COL4A6: variants seen among roughly 807,000 people sequenced by gnomAD.
COL4A6 encodes the protein collagen type IV alpha 6 chain.
COL4A6 carries 59 observed loss-of-function variants against 126.7 expected under a neutral mutation model. The ratio of observed to expected loss-of-function variants is 0.47; its 90% CI spans 0.38 to 0.58. The LOEUF (loss-of-function observed/expected upper bound fraction) is 0.58, where lower values mean the gene tolerates loss of function less well. Among genes scored for constraint, COL4A6 ranks in the 20% least tolerant of loss-of-function variants. The pLI is 0.00. For synonymous variants in COL4A6, 547 were observed against 496.6 expected (o/e 1.10, Z -1.35); for missense variants, 1,285 against 1,337.3 (o/e 0.96, Z 0.61).
At chrX:108,433,548 A>G (rs987825189) in intron 2 of COL4A6, among the ~76,000 whole-genome samples, 31 of 106,993 alleles carry the variant, frequency 2.9e-4, no homozygotes, top group African/African-American at 8.9e-4. Context: ...TTTTTTGACA[A>G]GGTCTAGCTC....
At chrX:108,163,064 A>T in intron 40 of COL4A6, 26 bp from the exon 41 acceptor site, 1 of 1,183,143 alleles carries the variant, frequency 8.5e-7, no homozygotes, top group Non-Finnish European at 1.1e-6. Context: ...GGAAATAAGA[A>T]CATCAGGCTG....
At chrX:108,420,896 G>C (rs752859515) in intron 2 of COL4A6, among the ~76,000 whole-genome samples, 95 of 111,959 alleles carry the variant, frequency 8.5e-4, no homozygotes, top group African/African-American at 2.7e-3. Context: ...GCAAAAAGCT[G>C]AATAAACAAG....
At position 108,179,410 on chromosome X, in the gene COL4A6, G is replaced by A. The variant is rs745616450; in HGVS notation, c.2160C>T (p.Gly720=). 8 of 1,206,190 alleles carry A rather than the reference G, an allele frequency of 6.6e-6. No homozygotes were observed. Among genetic ancestry groups the A allele is most frequent in the Admixed American group, 2.2e-5 (1 of 45,497 alleles). Residue 720 remains glycine (G), a synonymous_variant, in exon 26 of 45, where the codon GGC becomes GGT. Transcript: ENST00000334504. ...PGFPGPRGEK[G]LPGFPGLPGK... ...CAGGGAGCCCAGGAAACCCAGGCAA[G>A]CCCTTCTCCCCACGAGGTCCAGGAA...
Position 108,342,369 on chromosome X carries a change from C to G in COL4A6, c.64-31541G>C, listed in dbSNP as rs184472081. ...ATTGTATTCTAGTCTAGGTGTCCAC[C>G]TCTTGTGACCTTGGCTAGTGTAGGC... is the stretch of plus-strand genomic sequence containing the variant. On this transcript the variant is annotated intron_variant, in intron 2 of 44. Transcript: ENST00000334504. 2.7e-5 allele frequency among the ~76,000 whole-genome samples: 3 copies of G among 111,811 alleles called. No individual in the cohort carries two copies. In the Admixed American group the frequency reaches 2.8e-4, roughly 11 times the overall value.
chrX:108,418,307 A>C (rs2041472488), intron 2 of COL4A6, among the ~76,000 whole-genome samples: 1 of 112,247 alleles, frequency 8.9e-6, no homozygotes, highest in African/African-American at 3.2e-5. Context: ...GTAAAATCCT[A>C]ACACTTATAC....
At chrX:108,271,003 A>G (rs1418904744) in intron 3 of COL4A6, among the ~76,000 whole-genome samples, 2 of 112,155 alleles carry the variant, frequency 1.8e-5, no homozygotes, top group Non-Finnish European at 3.8e-5. Flanking sequence ...TGGTTTAATG[A>G]GAAGACTTTC....
At position 108,172,809 on chromosome X, in the gene COL4A6, C is replaced by T. The variant is rs770663634; in HGVS notation, c.3139-277G>A. The stretch of plus-strand genomic sequence containing the variant: ...GAAAGTCACAGTGTGGCCATTCTAG[C>T]GAGTCTCTCAGAAAATGCAGAAGAT... On this transcript the variant is annotated intron_variant, in intron 31 of 44. Coordinates refer to ENST00000334504, the MANE Select transcript of COL4A6 (RefSeq NM_033641.4). 4.5e-4 allele frequency among the ~76,000 whole-genome samples: 50 copies of T among 112,025 alleles called. 1 individual carries two copies. The highest frequency in any genetic ancestry group is 1.1e-3 in the Admixed American group (12 of 10,618).
intron 3 of COL4A6, among the ~76,000 whole-genome samples, chrX:108,225,222 C>T (rs2036135091): frequency 8.9e-6 from 1 of 111,897 alleles, no homozygotes; most frequent in African/African-American, 3.3e-5. Context: ...CTACCCTGGG[C>T]CCGCCCCTGG....
intron 2 of COL4A6, among the ~76,000 whole-genome samples, chrX:108,408,142 C>T (rs1024991422): frequency 4.5e-5 from 5 of 110,762 alleles, no homozygotes; most frequent in Admixed American, 1.9e-4. Flanking sequence ...GAGAATTCAT[C>T]TCTATAAAAA....
chrX:108,382,304 C>T (rs2040575690), intron 2 of COL4A6, among the ~76,000 whole-genome samples: 1 of 112,128 alleles, frequency 8.9e-6, no homozygotes, highest in African/African-American at 3.2e-5. Flanking sequence ...TTAGTTTTCT[C>T]GTATCTACCC....
At chrX:108,429,506 C>T (rs183952110) in intron 2 of COL4A6, among the ~76,000 whole-genome samples, 168 of 111,130 alleles carry the variant, frequency 1.5e-3, no homozygotes, top group African/African-American at 4.8e-3. Context: ...CAAATAAGTA[C>T]GAGGAAAATG....
Position 108,180,539 on chromosome X carries a change from A to G in COL4A6, c.2107T>C (p.Leu703=). 1 of 1,207,360 alleles carries G rather than the reference A, an allele frequency of 8.3e-7. No homozygotes were observed. Among genetic ancestry groups the G allele is most frequent in the South Asian group, 1.8e-5 (1 of 55,837 alleles). Residue 703 remains leucine, a synonymous_variant, in exon 25 of 45, where the codon TTG becomes CTG. Coordinates refer to ENST00000334504, the MANE Select transcript of COL4A6 (RefSeq NM_033641.4). ...CCTGGTAATTCAGGAAGATGAACCA[A>G]TCCTGGACTCCCTGGCTCTCCTTTA... The part of the protein sequence containing the change: ...GSKGEPGSPG[L]VHLPELPGFP...
Position 108,187,967 on chromosome X carries a change from T to G in COL4A6, c.1648A>C (p.Ser550Arg), listed in dbSNP as rs146828247. The G allele has an allele frequency of 8.3e-7, 1 of 1,204,660 alleles. No homozygotes were observed. Among genetic ancestry groups the G allele is most frequent in the African/African-American group, 1.8e-5 (1 of 56,861 alleles). The change falls in exon 22 of 45, where the codon AGT (serine) becomes CGT (arginine). Residue 550 changes from serine (S) to arginine (R), a missense_variant. Physicochemically the swap from Ser to Arg is moderately radical, Grantham distance 110. Coordinates refer to ENST00000334504, the MANE Select transcript of COL4A6 (RefSeq NM_033641.4). ...TCTCCTGGCATTCCTTGGATTGTAC[T>G]GAGAATTGGTTCCCCCTTCTTTCCT... is the stretch of plus-strand genomic sequence containing the variant. ...PKGKKGEPIL[S>R]TIQGMPGDRG...
intron 2 of COL4A6, among the ~76,000 whole-genome samples, chrX:108,355,436 T>C (rs1049528162): frequency 1.8e-5 from 2 of 112,887 alleles, no homozygotes; most frequent in African/African-American, 3.2e-5. Flanking sequence ...TATTTGTTTA[T>C]TCATTCAATG....
intron 2 of COL4A6, among the ~76,000 whole-genome samples, chrX:108,348,711 GA>G (rs1222687367): frequency 3.6e-5 from 4 of 111,671 alleles, no homozygotes; most frequent in African/African-American, 9.8e-5. Flanking sequence ...CTTTGGGGGG[GA>G]AAAGTTCTAT....
intron 2 of COL4A6, among the ~76,000 whole-genome samples, chrX:108,389,996 T>C (rs771735246): frequency 8.9e-6 from 1 of 111,851 alleles, no homozygotes; most frequent in African/African-American, 3.2e-5. Flanking sequence ...GAAGCTTAGT[T>C]TGGCTGCATA....
intron 13 of COL4A6, among the ~76,000 whole-genome samples, chrX:108,197,657 G>C (rs1370066761): frequency 9.0e-6 from 1 of 110,819 alleles, no homozygotes; most frequent in Non-Finnish European, 1.9e-5. Context: ...ACTGAAAGCT[G>C]GTTAAGGACC....
At chrX:108,427,123 A>G (rs1381268501) in intron 2 of COL4A6, among the ~76,000 whole-genome samples, 2 of 111,897 alleles carry the variant, frequency 1.8e-5, no homozygotes, top group South Asian at 7.5e-4. Flanking sequence ...CCACATAGAG[A>G]GATATACGGT....
rs2033895410 is a variant in COL4A6, at chrX:108,160,541, T to C, written c.4447A>G (p.Ile1483Val). The change falls in exon 43 of 45, where the codon ATC becomes GTC. Residue 1483 changes from isoleucine to valine, a missense_variant. Physicochemically the swap from Ile to Val is conservative, Grantham distance 29. Coordinates refer to ENST00000334504, the MANE Select transcript of COL4A6 (RefSeq NM_033641.4). ...SQSEQVPPCPIGMSQLWVGYS... is the reference protein window; with the variant it reads ...SQSEQVPPCPVGMSQLWVGYS... ...CCCACCCACAGCTGGCTCATCCCGA[T>C]GGGACACGGGGGCACCTGTTCCGAC... The C allele has an allele frequency of 8.3e-7, 1 of 1,211,367 alleles. No individual in the cohort carries two copies. Among genetic ancestry groups the C allele is most frequent in the Non-Finnish European group, 1.1e-6 (1 of 895,270 alleles).
Sources: gnomAD v4.1 joint callset for allele counts (sites outside exome capture counted in the v4.1 genomes callset) on GRCh38, gnomAD v4.1.1 for gene constraint, MANE v1.5 for transcripts, NCBI Gene and HGNC (gene_info 2026-07-23, HGNC 2026-07-21) for gene names.